Variants in CTNNA3 observed in about 807,000 individuals in gnomAD.
The protein encoded by CTNNA3 is catenin alpha-3.
CTNNA3 carries 76 observed loss-of-function variants against 95.7 expected under a neutral mutation model. The ratio of observed to expected loss-of-function variants is 0.79; its 90% CI spans 0.66 to 0.96. The LOEUF (loss-of-function observed/expected upper bound fraction) is 0.96, where lower values mean the gene tolerates loss of function less well. CTNNA3 is among the 40% of genes least tolerant of loss of function. CTNNA3 has a pLI of 0.00. For synonymous variants in CTNNA3, 431 were observed against 374.4 expected, an observed-to-expected ratio of 1.15 and a Z score of -1.74; for missense variants, 1,191 against 1,089.8, an observed-to-expected ratio of 1.09 and a Z score of -1.31.
At chr10:66,645,309 T>C (rs1845668463) in intron 9 of CTNNA3, among the ~76,000 whole-genome samples, 1 of 152,118 alleles carries the variant, frequency 6.6e-6, no homozygotes, top group East Asian at 1.9e-4. Context: ...CCTATTTTGT[T>C]CTAAACATTT....
chr10:66,759,236 C>A (rs1016500445), intron 9 of CTNNA3, among the ~76,000 whole-genome samples: 1 of 152,064 alleles, frequency 6.6e-6, no homozygotes, highest in Non-Finnish European at 1.5e-5. Context: ...GTTTCCTGAA[C>A]GATGATGTCC....
chr10:65,948,642 T>G (rs2077561996), intron 17 of CTNNA3, among the ~76,000 whole-genome samples: 1 of 152,184 alleles, frequency 6.6e-6, no homozygotes, highest in Non-Finnish European at 1.5e-5. Context: ...TAAGTTGAAA[T>G]TTAATGTAAC....
intron 13 of CTNNA3, among the ~76,000 whole-genome samples, chr10:66,187,408 T>C (rs190735859): frequency 1.3e-5 from 2 of 150,212 alleles, no homozygotes; most frequent in Admixed American, 6.7e-5. Flanking sequence ...CCTGGGAATC[T>C]AGAATGCCAC....
intron 12 of CTNNA3, among the ~76,000 whole-genome samples, chr10:66,354,103 C>A (rs2092588677): frequency 6.6e-6 from 1 of 151,820 alleles, no homozygotes; most frequent in Non-Finnish European, 1.5e-5. Context: ...GCCAACATGG[C>A]AAAACCCCGT....
chr10:66,550,108 G>A (rs1842169264), intron 10 of CTNNA3, among the ~76,000 whole-genome samples: 1 of 152,002 alleles, frequency 6.6e-6, no homozygotes, highest in South Asian at 2.1e-4. Context: ...TCCATAAATT[G>A]AGGCCTATTA....
At chr10:67,201,324 C>A (rs565020688) in intron 6 of CTNNA3, among the ~76,000 whole-genome samples, 21 of 152,290 alleles carry the variant, frequency 1.4e-4, no homozygotes, top group Non-Finnish European at 2.5e-4. Context: ...AGAGCAGATC[C>A]ATGCATCTGT....
intron 5 of CTNNA3, among the ~76,000 whole-genome samples, chr10:67,299,271 TATC>T (rs1840169550): frequency 1.3e-5 from 2 of 152,014 alleles, no homozygotes; most frequent in South Asian, 4.2e-4. Context: ...GGCCCTTTCT[TATC>T]ATAATAGCCT....
chr10:66,313,989 C>A (rs1056156706), intron 12 of CTNNA3, among the ~76,000 whole-genome samples: 1 of 152,188 alleles, frequency 6.6e-6, no homozygotes, highest in Non-Finnish European at 1.5e-5. Flanking sequence ...TACAAACTAT[C>A]TCATCCTCCC....
intron 15 of CTNNA3, among the ~76,000 whole-genome samples, chr10:65,995,391 C>T (rs546405730): frequency 1.3e-5 from 2 of 152,274 alleles, no homozygotes; most frequent in South Asian, 2.1e-4. Flanking sequence ...GTAATGTAGC[C>T]TCCATGTGAT....
At chr10:67,259,315 A>G (rs1866494979) in intron 5 of CTNNA3, among the ~76,000 whole-genome samples, 1 of 152,212 alleles carries the variant, frequency 6.6e-6, no homozygotes, top group African/African-American at 2.4e-5. Context: ...TTGGAGACAT[A>G]TCTTTACAAC....
At chr10:67,675,850 A>G (rs1840525140) in intron 1 of CTNNA3, among the ~76,000 whole-genome samples, 1 of 152,060 alleles carries the variant, frequency 6.6e-6, no homozygotes, top group South Asian at 2.1e-4. Context: ...TCAGTCTTTT[A>G]ATTAATTAAT....
intron 2 of CTNNA3, among the ~76,000 whole-genome samples, chr10:67,608,623 A>C (rs1275529095): frequency 6.6e-6 from 1 of 152,176 alleles, no homozygotes; most frequent in Non-Finnish European, 1.5e-5. Flanking sequence ...TACACCATAA[A>C]TATATATAAA....
chr10:67,049,166 T>C lies in CTNNA3; in HGVS notation c.1047+131151A>G, dbSNP rs529018704. On this transcript the variant is annotated intron_variant, in intron 7 of 17. Transcript: ENST00000433211. Reference sequence around the variant, plus strand: ...TGTTAGTATACTAAGTGAGACAGCATCATTTAGAGGAAAAGAGGACAAGAA... The same window carrying C: ...TGTTAGTATACTAAGTGAGACAGCACCATTTAGAGGAAAAGAGGACAAGAA... Among the ~76,000 whole-genome samples the C allele has an allele frequency of 2.0e-5, 3 of 152,094 alleles. No homozygotes were observed. The East Asian group carries it at 5.8e-4, about 29-fold the overall frequency.
intron 12 of CTNNA3, among the ~76,000 whole-genome samples, chr10:66,350,371 T>C (rs992387663): frequency 3.3e-5 from 5 of 152,082 alleles, no homozygotes; most frequent in Non-Finnish European, 7.4e-5. Flanking sequence ...AAAGAGAAAT[T>C]TTGATTATAC....
intron 13 of CTNNA3, among the ~76,000 whole-genome samples, chr10:66,168,673 G>A (rs976997050): frequency 1.3e-5 from 2 of 152,078 alleles, no homozygotes; most frequent in Admixed American, 6.6e-5. Context: ...CCAATTACTG[G>A]TGCTTTTTTA....
At chr10:67,130,028 C>T (rs1195440949) in intron 7 of CTNNA3, among the ~76,000 whole-genome samples, 3 of 152,102 alleles carry the variant, frequency 2.0e-5, no homozygotes, top group African/African-American at 7.2e-5. Context: ...TTGCAAAGAA[C>T]AGAAATTAAA....
chr10:67,029,309 T>C (rs1853578435), intron 7 of CTNNA3, among the ~76,000 whole-genome samples: 1 of 152,100 alleles, frequency 6.6e-6, no homozygotes, highest in Non-Finnish European at 1.5e-5. Context: ...CCAAATCCAT[T>C]TGGAGGATAT....
chr10:66,617,792 G>T (rs1300638172), intron 10 of CTNNA3, among the ~76,000 whole-genome samples: 2 of 151,854 alleles, frequency 1.3e-5, no homozygotes, highest in African/African-American at 2.4e-5. Flanking sequence ...CAGATGACAT[G>T]ATTGTATATC....
intron 1 of CTNNA3, among the ~76,000 whole-genome samples, chr10:67,714,479 A>G (rs1286572246): frequency 6.6e-6 from 1 of 152,226 alleles, no homozygotes; most frequent in Non-Finnish European, 1.5e-5. Context: ...TGGAATGGCT[A>G]TATTTACCCA....
Sources: gnomAD v4.1 joint callset for allele counts (sites outside exome capture counted in the v4.1 genomes callset) on GRCh38, gnomAD v4.1.1 for gene constraint, MANE v1.5 for transcripts, NCBI Gene and HGNC (gene_info 2026-07-23, HGNC 2026-07-21) for gene names.